PRMT7: variants seen among roughly 807,000 people sequenced by gnomAD.
PRMT7 encodes the protein protein arginine N-methyltransferase 7.
In PRMT7, 75 loss-of-function variants were observed where a neutral mutation model predicts 85.4. The observed-to-expected ratio is 0.88, with a 90% CI of 0.73 to 1.06. PRMT7 has a LOEUF of 1.06. PRMT7 is among the 50% of genes least tolerant of loss of function. The probability of loss-of-function intolerance (pLI) is 0.00; values close to 1 mark genes in which losing one functional copy is unlikely to be tolerated. For synonymous variants in PRMT7, 397 were observed against 359.5 expected (o/e 1.10, Z -1.18); for missense variants, 868 against 915.2 (o/e 0.95, Z 0.67).
At chr16:68,351,872 C>T (rs753316061) in intron 14 of PRMT7, 7 of 164,392 alleles carry the variant, frequency 4.3e-5, no homozygotes, top group East Asian at 1.8e-4. Flanking sequence ...CTGGAAGCCC[C>T]GTCTGGCACG....
At chr16:68,318,850 G>A (rs2082170209) in intron 3 of PRMT7, 1 of 152,272 alleles carries the variant, frequency 6.6e-6, no homozygotes. Context: ...TATTTTCTGA[G>A]TGATATATTA....
chr16:68,325,245 A>G (rs1352590521), intron 5 of PRMT7, among the ~76,000 whole-genome samples: 1 of 152,220 alleles, frequency 6.6e-6, no homozygotes, highest in Non-Finnish European at 1.5e-5. Flanking sequence ...CCTGTGTTCC[A>G]GCTATTCTTG....
At position 68,326,872 on chromosome 16, in the gene PRMT7, G is replaced by A. The variant is rs531043803; in HGVS notation, c.282+2040G>A. Among the ~76,000 whole-genome samples, 15 of 152,298 alleles carry A rather than the reference G, an allele frequency of 9.8e-5. No homozygotes were observed. The South Asian group carries it at 2.7e-3, about 27-fold the overall frequency. On this transcript the variant is annotated intron_variant, in intron 5 of 18. Transcript: ENST00000441236. Reference sequence around the variant, plus strand: ...GAGGTGTGAAGGTACCAGCTTGCAGGTTCAGGGAGAGGTGACTGATGAGTC... The same window carrying A: ...GAGGTGTGAAGGTACCAGCTTGCAGATTCAGGGAGAGGTGACTGATGAGTC...
chr16:68,343,287 GACAA>G (rs763637652), intron 9 of PRMT7, among the ~76,000 whole-genome samples: 1 of 152,134 alleles, frequency 6.6e-6, no homozygotes, highest in Non-Finnish European at 1.5e-5. Flanking sequence ...CCTCTTAGTA[GACAA>G]ACAAGGTAAC....
At chr16:68,354,220 A>G (rs773172691) in intron 16 of PRMT7, 1 of 152,244 alleles carries the variant, frequency 6.6e-6, no homozygotes, top group Non-Finnish European at 1.5e-5. Context: ...TCGACAAAAA[A>G]TAACAAAAAA....
chr16:68,313,693 A>G (rs1179773359), intron 2 of PRMT7, among the ~76,000 whole-genome samples: 1 of 152,246 alleles, frequency 6.6e-6, no homozygotes, highest in Non-Finnish European at 1.5e-5. Context: ...TGTCTGTAAA[A>G]TAAATGTTAG....
chr16:68,329,126 A>G lies in PRMT7; in HGVS notation c.343A>G (p.Lys115Glu), dbSNP rs2083497833. 6.2e-7 allele frequency: 1 copy of G among 1,611,990 alleles called. No individual in the cohort carries two copies. Among genetic ancestry groups the G allele is most frequent in the Admixed American group, 1.7e-5 (1 of 59,990 alleles). ...KIVEKNGFSD[K>E]IKVINKHSTE... ...TGTGGAGAAAAATGGCTTTAGTGAT[A>G]AGATTAAGGTTATCAACAAGCATTC... is the stretch of plus-strand genomic sequence containing the variant. Residue 115 changes from lysine (K) to glutamate (E), a missense_variant, in exon 6 of 19, where the codon AAG becomes GAG. Coordinates refer to ENST00000441236, the MANE Select transcript of PRMT7 (RefSeq NM_019023.5).
intron 6 of PRMT7, among the ~76,000 whole-genome samples, chr16:68,330,569 C>T (rs1489117199): frequency 6.6e-6 from 1 of 152,008 alleles, no homozygotes. Flanking sequence ...GAATCTGAAA[C>T]ATGTACAAAA....
rs754588310 is a variant in PRMT7, at chr16:68,346,316, A to G, written c.1191+36A>G. ...AGCCCCTTGGCTTGTTGTGGGGAAA[A>G]GGGAGAAAGAAGTTTGTCCCATGAA... On this transcript the variant is annotated intron_variant, in intron 11 of 18. Transcript: ENST00000441236. 1.1e-5 allele frequency: 18 copies of G among 1,608,528 alleles called. No homozygotes were observed. In the African/African-American group the frequency reaches 2.1e-4, roughly 19 times the overall value.
intron 16 of PRMT7, 137 bp from the exon 17 acceptor site, chr16:68,355,586 C>T (rs1407188815): frequency 2.2e-6 from 2 of 926,864 alleles, no homozygotes; most frequent in Non-Finnish European, 2.9e-6. Context: ...CGCCGCTGGT[C>T]TGCTGGGCGC....
At position 68,353,477 on chromosome 16, in the gene PRMT7, G is replaced by A. The variant is rs762821454; in HGVS notation, c.1576-15G>A. 1.9e-6 allele frequency: 3 copies of A among 1,609,794 alleles called. No individual in the cohort carries two copies. Among genetic ancestry groups the A allele is most frequent in the South Asian group, 1.1e-5 (1 of 90,190 alleles). On this transcript the variant is annotated splice_polypyrimidine_tract_variant and intron_variant, in intron 15 of 18. Transcript: ENST00000441236. ...CTGGCGGGCGGGTGTGGACGGGGCT[G>A]CTCCTTCCTCACAGGACCTGTGGCG...
At chr16:68,325,160 C>A (rs1198425609) in intron 5 of PRMT7, among the ~76,000 whole-genome samples, 1 of 151,940 alleles carries the variant, frequency 6.6e-6, no homozygotes, top group Non-Finnish European at 1.5e-5. Flanking sequence ...GAGTTTGAGA[C>A]CAGCCTGGGC....
chr16:68,339,861 C>G lies in PRMT7; in HGVS notation c.820C>G (p.Arg274Gly), dbSNP rs372375423. The G allele has an allele frequency of 1.9e-6, 3 of 1,614,148 alleles. No homozygotes were observed. Among genetic ancestry groups the G allele is most frequent in the Admixed American group, 1.7e-5 (1 of 60,024 alleles). Residue 274 changes from arginine (R) to glycine (G), a missense_variant, in exon 9 of 19, where the codon CGA (arginine) becomes GGA (glycine). Coordinates refer to ENST00000441236, the MANE Select transcript of PRMT7 (RefSeq NM_019023.5). ...SRRFEPLTSG[R>G]AQVVLSWWDI... Reference sequence around the variant, plus strand: ...GCGGTTTGAACCTCTGACATCTGGCCGAGCTCAGGTGGTTCTCTCGTGGTG... The same window carrying G: ...GCGGTTTGAACCTCTGACATCTGGCGGAGCTCAGGTGGTTCTCTCGTGGTG...
chr16:68,314,139 A>G (rs1263826801), intron 2 of PRMT7, among the ~76,000 whole-genome samples: 1 of 152,252 alleles, frequency 6.6e-6, no homozygotes, highest in Non-Finnish European at 1.5e-5. Flanking sequence ...CTGAGATTTT[A>G]GTAGTAGAGT....
chr16:68,360,557 TTC>T (rs1474178423), downstream of PRMT7: 1 of 152,964 alleles, frequency 6.5e-6, no homozygotes, highest in African/African-American at 2.4e-5. Flanking sequence ...ATTAACCTTT[TTC>T]TGTTTTTCTT....
chr16:68,319,366 C>G (rs759800605), intron 3 of PRMT7, among the ~76,000 whole-genome samples: 4 of 152,068 alleles, frequency 2.6e-5, no homozygotes, highest in Non-Finnish European at 5.9e-5. Flanking sequence ...CTAGCAAGGT[C>G]AGAGGCACTG....
chr16:68,353,578 C>T lies in PRMT7; in HGVS notation c.1650+12C>T, dbSNP rs2087753215. 1.3e-6 allele frequency: 2 copies of T among 1,569,452 alleles called. No homozygotes were observed. The highest frequency in any genetic ancestry group is 1.4e-5 in the African/African-American group (1 of 73,014). On this transcript the variant is annotated intron_variant, in intron 16 of 18. Coordinates refer to ENST00000441236, the MANE Select transcript of PRMT7 (RefSeq NM_019023.5). ...ACGACATGATTAAGGTAGGCAGGGCCACACTCTGCATAGTACCCCCGACCT... is the reference window on the plus strand; with the variant it reads ...ACGACATGATTAAGGTAGGCAGGGCTACACTCTGCATAGTACCCCCGACCT...
At chr16:68,328,797 C>T (rs527310578) in intron 5 of PRMT7, among the ~76,000 whole-genome samples, 2 of 152,118 alleles carry the variant, frequency 1.3e-5, no homozygotes, top group African/African-American at 2.4e-5. Context: ...TCCTCTTGTG[C>T]GGTACTGACA....
downstream of PRMT7, chr16:68,360,234 A>T (rs1395126394): frequency 1.3e-5 from 2 of 152,456 alleles, no homozygotes; most frequent in Non-Finnish European, 2.9e-5. Flanking sequence ...GGGGGAGAGG[A>T]TTGGCAGAAA....
Sources: allele counts gnomAD v4.1 joint callset (sites outside exome capture counted in the v4.1 genomes callset), GRCh38; gene constraint gnomAD v4.1.1; transcripts MANE v1.5; gene names NCBI Gene and HGNC (gene_info 2026-07-23, HGNC 2026-07-21).